FNDC3B: variants seen among roughly 807,000 people sequenced by gnomAD.
FNDC3B encodes the protein fibronectin type III domain containing 3B, also known as fibronectin type III domain-containing protein 3B.
Under a neutral mutation model 151.5 loss-of-function variants are expected in FNDC3B, and 12 were observed. The ratio of observed to expected loss-of-function variants is 0.08; its 90% CI spans 0.05 to 0.13. FNDC3B has a LOEUF of 0.13. FNDC3B is among the 10% of genes least tolerant of loss of function. The pLI, the probability that FNDC3B is intolerant of heterozygous loss-of-function variation, is 1.00. For synonymous variants in FNDC3B, 528 were observed against 549.0 expected (o/e 0.96, Z 0.54); for missense variants, 1,214 against 1,505.3 (o/e 0.81, Z 3.20).
At chr3:172,377,309 G>A (rs1000003703) in intron 23 of FNDC3B, among the ~76,000 whole-genome samples, 1 of 152,186 alleles carries the variant, frequency 6.6e-6, no homozygotes, top group Non-Finnish European at 1.5e-5. Context: ...GTGGTTCTCA[G>A]CGTGTCCACT....
chr3:172,109,214 G>A (rs953880557), intron 1 of FNDC3B, among the ~76,000 whole-genome samples: 56 of 146,730 alleles, frequency 3.8e-4, no homozygotes, highest in Non-Finnish European at 7.6e-4. Context: ...CACCCAGGCT[G>A]GAGTGCAGTG....
rs10684671 is a variant in FNDC3B, at chr3:172,177,626, C to CTTTTTTTTTT, written c.187+44092_187+44101dup. On this transcript the variant is annotated intron_variant, in intron 3 of 25. Coordinates refer to ENST00000415807, the MANE Select transcript of FNDC3B (RefSeq NM_022763.4). ...AGGAAGGAATCATTTTTACCACCAT[C>CTTTTTTTTTT]TTTTTTTTTTTTTTTTTTTTTGCAC... 2.7e-3 allele frequency among the ~76,000 whole-genome samples: 232 copies of CTTTTTTTTTT among 84,818 alleles called. 22 individuals are homozygous for CTTTTTTTTTT. Among genetic ancestry groups the CTTTTTTTTTT allele is most frequent in the African/African-American group, 8.4e-3 (172 of 20,506 alleles). 55.6% of individuals were successfully genotyped at this position (84,818 alleles called of 152,430 possible).
At chr3:172,372,105 A>G (rs1734908879) in intron 23 of FNDC3B, among the ~76,000 whole-genome samples, 2 of 152,218 alleles carry the variant, frequency 1.3e-5, no homozygotes, top group Admixed American at 6.5e-5. Context: ...AGAACGCACC[A>G]TTACCAGACT....
chr3:172,134,227 A>T, intron 3 of FNDC3B: 1 of 408,022 alleles, frequency 2.5e-6, no homozygotes, highest in East Asian at 7.3e-5. Flanking sequence ...AGCTCCTAGC[A>T]CACTTCTAGT....
At chr3:172,255,798 T>C (rs1173280697) in intron 6 of FNDC3B, among the ~76,000 whole-genome samples, 2 of 152,160 alleles carry the variant, frequency 1.3e-5, no homozygotes, top group Non-Finnish European at 2.9e-5. Context: ...CTCACACATC[T>C]CCTCGTCACC....
chr3:172,233,341 C>T (rs1331401469), intron 4 of FNDC3B, among the ~76,000 whole-genome samples: 1 of 152,100 alleles, frequency 6.6e-6, no homozygotes, highest in Admixed American at 6.5e-5. Flanking sequence ...GTTGTGAGAG[C>T]AGAAACAACA....
intron 6 of FNDC3B, among the ~76,000 whole-genome samples, chr3:172,284,387 T>G (rs1729900951): frequency 6.6e-6 from 1 of 152,180 alleles, no homozygotes; most frequent in East Asian, 1.9e-4. Flanking sequence ...CCCTGTGGTG[T>G]CTCTGTCTTC....
intron 4 of FNDC3B, among the ~76,000 whole-genome samples, chr3:172,242,219 T>C (rs1727534042): frequency 6.6e-6 from 1 of 152,224 alleles, no homozygotes; most frequent in South Asian, 2.1e-4. Context: ...TTTCACAGGC[T>C]GGTATTGAGT....
In FNDC3B at chr3:172,329,253, A is replaced by C. The variant is rs1268540951; in HGVS notation, c.1379+177A>C. The C allele has an allele frequency of 3.9e-5, 27 of 685,930 alleles. No homozygotes were observed. The East Asian group carries it at 7.2e-4, about 18-fold the overall frequency. The allele number at this position is 685,930 out of a possible 1,614,324, so 42.5% of individuals were successfully genotyped here. A position where few individuals can be genotyped will look rare whatever the true frequency, so the allele number is the denominator to read the frequency against. ...GGCCTCCTTTAAGCTGGTGAATGTC[A>C]CTATGGCCTCTGCAGTCTTGCAAGC... On this transcript the variant is annotated intron_variant, in intron 12 of 25. Transcript: ENST00000415807.
chr3:172,348,790 A>G (rs1180682735), intron 21 of FNDC3B, among the ~76,000 whole-genome samples: 4 of 152,184 alleles, frequency 2.6e-5, no homozygotes, highest in African/African-American at 9.7e-5. Context: ...GTCTGTGCTT[A>G]TTTATAATAA....
chr3:172,144,707 CT>C (rs11328556), intron 3 of FNDC3B, among the ~76,000 whole-genome samples: 73,582 of 148,820 alleles, frequency 0.49, 18,193 homozygotes, highest in East Asian at 0.58. Flanking sequence ...AAAAGGCAAA[CT>C]TTTTTTTTTT....
At chr3:172,360,669 C>T (rs1199695708) in intron 22 of FNDC3B, among the ~76,000 whole-genome samples, 2 of 152,090 alleles carry the variant, frequency 1.3e-5, no homozygotes, top group Non-Finnish European at 2.9e-5. Context: ...TATTTCAACA[C>T]CATTTGTTGA....
chr3:172,372,947 G>A (rs1734951331), intron 23 of FNDC3B, among the ~76,000 whole-genome samples: 1 of 152,194 alleles, frequency 6.6e-6, no homozygotes, highest in African/African-American at 2.4e-5. Flanking sequence ...GAATGATGTG[G>A]CAGTAAAGCG....
intron 3 of FNDC3B, among the ~76,000 whole-genome samples, chr3:172,205,133 G>T (rs111936349): frequency 0.02 from 2,967 of 152,140 alleles, 98 homozygotes; most frequent in African/African-American, 0.068. Flanking sequence ...GATTTTTTTG[G>T]CATATATAAC....
chr3:172,186,100 G>T (rs1487801705), intron 3 of FNDC3B, among the ~76,000 whole-genome samples: 1 of 152,120 alleles, frequency 6.6e-6, no homozygotes. Context: ...TTCAAAAGTT[G>T]GGAAGCTTCA....
In FNDC3B at chr3:172,337,775, C is replaced by T. The variant is rs1356988145; in HGVS notation, c.1852+374C>T. ...ACATGGCCCATTGCAGTCTCAAACT[C>T]CTGGGCTTAAGTGACTCTTCTGCCA... On this transcript the variant is annotated intron_variant, in intron 16 of 25. Transcript: ENST00000415807. 3 of 226,412 alleles carry T rather than the reference C, an allele frequency of 1.3e-5. No homozygotes were observed. In the South Asian group the frequency reaches 1.7e-4, roughly 13 times the overall value. The allele number at this position is 226,412 out of a possible 1,614,324, so 14.0% of individuals were successfully genotyped here. A position where few individuals can be genotyped will look rare whatever the true frequency, so the allele number is the denominator to read the frequency against.
chr3:172,111,645 A>G (rs569015662), intron 1 of FNDC3B, among the ~76,000 whole-genome samples: 39 of 152,292 alleles, frequency 2.6e-4, no homozygotes, highest in African/African-American at 8.4e-4. Context: ...GAGGAGAGGT[A>G]TGCTTGACGT....
At chr3:172,053,795 AATCT>A (rs1688491190) in intron 1 of FNDC3B, among the ~76,000 whole-genome samples, 1 of 150,410 alleles carries the variant, frequency 6.6e-6, no homozygotes. Flanking sequence ...AAAAAAAAAA[AATCT>A]TCTTTTGAAA....
intron 6 of FNDC3B, among the ~76,000 whole-genome samples, chr3:172,270,232 C>T (rs1312630603): frequency 6.6e-6 from 1 of 152,216 alleles, no homozygotes; most frequent in Admixed American, 6.5e-5. Context: ...TAGAGTGTTA[C>T]TCTCTTTGCT....
Sources: allele counts gnomAD v4.1 joint callset (sites outside exome capture counted in the v4.1 genomes callset), GRCh38; gene constraint gnomAD v4.1.1; transcripts MANE v1.5; gene names NCBI Gene and HGNC (gene_info 2026-07-23, HGNC 2026-07-21).